Variants in FARP1 observed in about 807,000 individuals in gnomAD.
FARP1 encodes the protein FERM, ARH/RhoGEF and pleckstrin domain protein 1, also known as FERM, ARHGEF and pleckstrin domain-containing protein 1.
FARP1 carries 52 observed loss-of-function variants against 128.8 expected under a neutral mutation model. The observed-to-expected ratio is 0.40, with a 90% CI of 0.32 to 0.51. FARP1 has a LOEUF of 0.51. FARP1 is among the 20% of genes least tolerant of loss of function. The pLI is 0.45. For synonymous variants in FARP1, 580 were observed against 551.8 expected (o/e 1.05, Z -0.72); for missense variants, 1,333 against 1,367.9 (o/e 0.97, Z 0.40).
intron 2 of FARP1, chr13:98,328,325 GT>G (rs1887322151): frequency 6.6e-6 from 1 of 152,172 alleles, no homozygotes; most frequent in Non-Finnish European, 1.5e-5. Flanking sequence ...CAGCTTTAAG[GT>G]TACTCTGGGG....
chr13:98,235,571 C>G (rs1882363562), intron 2 of FARP1, among the ~76,000 whole-genome samples: 1 of 152,112 alleles, frequency 6.6e-6, no homozygotes. Flanking sequence ...TGACCGATAG[C>G]TTAGAGTGGG....
At chr13:98,395,161 T>C (rs1798127912) in intron 12 of FARP1, 66 bp from the exon 13 acceptor site, 1 of 1,505,870 alleles carries the variant, frequency 6.6e-7, no homozygotes, top group African/African-American at 1.4e-5. Flanking sequence ...CTTTTCTGTT[T>C]TCAGCCTTGG....
At chr13:98,418,122 TAA>T in intron 16 of FARP1, among the ~76,000 whole-genome samples, 1 of 152,298 alleles carries the variant, frequency 6.6e-6, no homozygotes, top group East Asian at 1.9e-4. Context: ...TGATCATAGA[TAA>T]CTTCAGCCTT....
intron 1 of FARP1, among the ~76,000 whole-genome samples, chr13:98,189,365 C>G (rs369028843): frequency 6.6e-5 from 10 of 150,384 alleles, no homozygotes; most frequent in East Asian, 3.9e-4. Context: ...TGTTCTTTGT[C>G]TACCTAAATT....
rs754656841 is a variant in FARP1, at chr13:98,446,646, G to A, written c.2905-20G>A. 3.7e-6 allele frequency: 6 copies of A among 1,612,820 alleles called. No homozygotes were observed. In the African/African-American group the frequency reaches 4.0e-5, roughly 11 times the overall value. ...GAAGCTGACCCCGAAAAGCCACTTT[G>A]CTTTGTTTCCCCTTTCCAGGACAAT... is the stretch of plus-strand genomic sequence containing the variant. On this transcript the variant is annotated intron_variant, in intron 25 of 26. Transcript: ENST00000319562.
chr13:98,286,248 C>G (rs767170205), intron 2 of FARP1, among the ~76,000 whole-genome samples: 1 of 152,200 alleles, frequency 6.6e-6, no homozygotes, highest in Non-Finnish European at 1.5e-5. Flanking sequence ...TCTGCTCCTT[C>G]CTGAGCACAA....
At chr13:98,213,613 C>A (rs1209282048) in intron 2 of FARP1, among the ~76,000 whole-genome samples, 200 bp downstream of exon 2, 2 of 152,172 alleles carry the variant, frequency 1.3e-5, no homozygotes, top group Non-Finnish European at 2.9e-5. Flanking sequence ...ATGCTTGAAC[C>A]ACCCACATAG....
intron 3 of FARP1, among the ~76,000 whole-genome samples, chr13:98,360,311 G>A (rs916202189): frequency 1.3e-5 from 2 of 152,126 alleles, no homozygotes; most frequent in Admixed American, 6.5e-5. Context: ...GGCCAGGCTG[G>A]TCTCAAACTC....
chr13:98,402,960 A>G (rs1027140823), intron 13 of FARP1: 2 of 152,168 alleles, frequency 1.3e-5, no homozygotes, highest in East Asian at 1.9e-4. Flanking sequence ...CCGTTGTTCC[A>G]TTGTATGCAG....
At chr13:98,412,621 A>G (rs779574412) in intron 16 of FARP1, among the ~76,000 whole-genome samples, 18 of 152,266 alleles carry the variant, frequency 1.2e-4, no homozygotes, top group Non-Finnish European at 1.9e-4. Context: ...GTGTCCATCA[A>G]TAGCAGATTG....
At chr13:98,390,906 C>T in intron 11 of FARP1, 26 bp downstream of exon 11, 2 of 1,535,044 alleles carry the variant, frequency 1.3e-6, no homozygotes, top group Non-Finnish European at 1.8e-6. Flanking sequence ...ATGCTACTTC[C>T]AGTCTGAGAA....
chr13:98,184,915 GAAAAAC>G (rs1878762657), intron 1 of FARP1, among the ~76,000 whole-genome samples: 1 of 152,100 alleles, frequency 6.6e-6, no homozygotes, highest in Non-Finnish European at 1.5e-5. Flanking sequence ...CAGCTCTCTT[GAAAAAC>G]AAAAACAAAA....
At chr13:98,346,432 C>T (rs1338179182) in intron 3 of FARP1, among the ~76,000 whole-genome samples, 16 of 151,124 alleles carry the variant, frequency 1.1e-4, no homozygotes, top group Admixed American at 2.0e-4. Flanking sequence ...TCAGGTGATC[C>T]GCCCGCCTCA....
intron 2 of FARP1, among the ~76,000 whole-genome samples, chr13:98,235,066 G>A (rs540903233): frequency 6.6e-6 from 1 of 152,206 alleles, no homozygotes; most frequent in South Asian, 2.1e-4. Context: ...AGGTAGTTTG[G>A]GTCTCTCCTG....
intron 2 of FARP1, among the ~76,000 whole-genome samples, chr13:98,319,734 G>GT (rs1886908529): frequency 6.6e-6 from 1 of 152,040 alleles, no homozygotes; most frequent in African/African-American, 2.4e-5. Flanking sequence ...GGATCAAATT[G>GT]TTTTTATTTT....
At chr13:98,157,028 TTGA>T (rs1192828393) in intron 1 of FARP1, among the ~76,000 whole-genome samples, 1 of 152,226 alleles carries the variant, frequency 6.6e-6, no homozygotes, top group Non-Finnish European at 1.5e-5. Flanking sequence ...AGAGACATTA[TTGA>T]TGAGTTTAGC....
intron 2 of FARP1, among the ~76,000 whole-genome samples, chr13:98,285,278 G>A (rs536899713): frequency 1.3e-5 from 2 of 152,196 alleles, no homozygotes; most frequent in African/African-American, 4.8e-5. Context: ...ATAACCTGGA[G>A]GCATTCTTAC....
chr13:98,387,777 G>A (rs1468111984), intron 8 of FARP1, among the ~76,000 whole-genome samples: 2 of 152,202 alleles, frequency 1.3e-5, no homozygotes, highest in Admixed American at 6.5e-5. Flanking sequence ...TTCTACCGGT[G>A]CTGTTGGAAG....
chr13:98,245,109 T>C (rs1229245861), intron 2 of FARP1: 1 of 997,316 alleles, frequency 1.0e-6, no homozygotes. Flanking sequence ...ATTAGATTCT[T>C]TAGTTTTTAA....
Sources: allele counts gnomAD v4.1 joint callset (sites outside exome capture counted in the v4.1 genomes callset), GRCh38; gene constraint gnomAD v4.1.1; transcripts MANE v1.5; gene names NCBI Gene and HGNC (gene_info 2026-07-23, HGNC 2026-07-21).